The following GSC2 variants were observed in gnomAD, a reference collection of about 807,000 sequenced individuals.
GSC2 encodes the protein goosecoid homeobox 2.
A neutral mutation model predicts 11.3 loss-of-function variants in GSC2; 12 were observed. The ratio of observed to expected loss-of-function variants is 1.06; its 90% confidence interval spans 0.68 to 1.72. The LOEUF (loss-of-function observed/expected upper bound fraction) is 1.72. Among genes scored for constraint, GSC2 ranks in the 40% most tolerant of loss-of-function variants. The probability of loss-of-function intolerance (pLI) is 0.00; values close to 1 mark genes in which losing one functional copy is unlikely to be tolerated. For missense variants in GSC2, 310 were observed against 235.7 expected (o/e 1.32, Z -2.06); for synonymous variants, 148 against 110.0 (o/e 1.35, Z -2.16).
chr22:19,149,332 G>A (rs1057447974), intron 2 of GSC2, among the ~76,000 whole-genome samples: 3 of 152,240 alleles, frequency 2.0e-5, no homozygotes, highest in African/African-American at 7.2e-5. Context: ...TCCAGCTGGC[G>A]GCGACCAGGA....
In GSC2 at chr22:19,150,033, G is replaced by C; in HGVS notation, c.251C>G (p.Ala84Gly). The C allele has an allele frequency of 2.0e-6, 2 of 1,020,484 alleles. No homozygotes were observed. The highest frequency in any genetic ancestry group is 1.7e-5 in the African/African-American group (1 of 57,652). 63.2% of individuals were successfully genotyped at this position (1,020,484 alleles called of 1,614,324 possible). ...AAPCGPPEAA[A>G]GLGARLAWPL... is the part of the protein sequence containing the mutation. Reference sequence around the variant, plus strand: ...GCTCCGCGCCCACTCACCCAGCCCGGCGGCCGCCTCTGGGGGCCCGCAGGG... The same window carrying C: ...GCTCCGCGCCCACTCACCCAGCCCGCCGGCCGCCTCTGGGGGCCCGCAGGG... The change falls in exon 1 of 3, where the codon GCC becomes GGC. Residue 84 changes from alanine to glycine, a missense_variant. Ala to Gly is a moderately conservative substitution (Grantham distance 60). Coordinates refer to ENST00000086933, the MANE Select transcript of GSC2 (RefSeq NM_005315.2).
At position 19,147,265 on chromosome 22, in the gene GSC2, G is replaced by C. The variant is rs782557814; in HGVS notation, c.*1726C>G. ...TGAGATGTAAATGTGGCAGAAAGAT[G>C]GGAATTGGAGTCTGAGGGTAAAAGA... On this transcript the variant is annotated 3_prime_UTR_variant, in exon 3 of 3. Coordinates refer to ENST00000086933, the MANE Select transcript of GSC2 (RefSeq NM_005315.2). Among the ~76,000 whole-genome samples, 1 of 152,136 alleles carries C rather than the reference G, an allele frequency of 6.6e-6. No homozygotes were observed. The highest frequency in any genetic ancestry group is 1.5e-5 in the Non-Finnish European group (1 of 68,030).
chr22:19,149,743 A>AAAGCGCCTC lies in GSC2; in HGVS notation c.424_432dup (p.Glu142_Leu144dup), dbSNP rs782146690. On this transcript the variant is annotated inframe_insertion, in exon 2 of 3. Coordinates refer to ENST00000086933, the MANE Select transcript of GSC2 (RefSeq NM_005315.2). ...ACGTCAGGATACTGGTTCTGCACGA[A>AAAGCGCCTC]AAGCGCCTCGAGCGCCTGCAGCTGC... 1.3e-6 allele frequency: 2 copies of AAAGCGCCTC among 1,596,024 alleles called. No homozygotes were observed. Among genetic ancestry groups the AAAGCGCCTC allele is most frequent in the Admixed American group, 1.7e-5 (1 of 58,668 alleles).
In GSC2 at chr22:19,149,858, C is replaced by G; in HGVS notation, c.318G>C (p.Ala106=). 1.3e-6 allele frequency: 2 copies of G among 1,501,110 alleles called. No homozygotes were observed. Among genetic ancestry groups the G allele is most frequent in the Non-Finnish European group, 1.8e-6 (2 of 1,129,342 alleles). The allele number at this position is 1,501,110 out of a possible 1,614,324, so 93.0% of individuals were successfully genotyped here. The change falls in exon 2 of 3, where the codon GCG becomes GCC. Residue 106 remains alanine, a synonymous_variant. Transcript: ENST00000086933. ...GGAGCGCCCCGGAACCTCCGGCTGGCGCACCCAGAGACAAGGGCACCGCCG... is the reference window on the plus strand; with the variant it reads ...GGAGCGCCCCGGAACCTCCGGCTGGGGCACCCAGAGACAAGGGCACCGCCG... ...LGPAVPLSLG[A]PAGGSGALPG...
In GSC2 at chr22:19,148,817, G is replaced by A. The variant is rs182828430; in HGVS notation, c.*174C>T. The A allele has an allele frequency of 5.5e-6, 3 of 544,636 alleles. No individual in the cohort carries two copies. Among genetic ancestry groups the A allele is most frequent in the East Asian group, 3.3e-5 (1 of 30,586 alleles). 33.7% of individuals were successfully genotyped at this position (544,636 alleles called of 1,614,324 possible). On this transcript the variant is annotated 3_prime_UTR_variant, in exon 3 of 3. Coordinates refer to ENST00000086933, the MANE Select transcript of GSC2 (RefSeq NM_005315.2). The stretch of plus-strand genomic sequence containing the variant: ...CTGCCGTGGAACACCAAGCACCGGG[G>A]GCCCGTCCCCAGCGCCACGGCAGCA...
rs781955300 is a variant in GSC2, at chr22:19,148,991, TC to T, written c.617del (p.Ter206TyrfsTer80). The T allele has an allele frequency of 9.5e-6, 15 of 1,573,144 alleles. No homozygotes were observed. The African/African-American group carries it at 1.9e-4, about 20-fold the overall frequency. ...GVKKSPKGSC[*>X] ...AGCCCAGGGGCAGCTCCTAGAGTCA[TC>T]AGCAGCTCCCCTTCGGGGACTTCTT... On this transcript the variant is annotated frameshift_variant and stop_lost, in exon 3 of 3. Coordinates refer to ENST00000086933, the MANE Select transcript of GSC2 (RefSeq NM_005315.2). LOFTEE classifies it high-confidence loss of function.
rs567334082 is a variant in GSC2, at chr22:19,148,038, A to G, written c.*953T>C. Among the ~76,000 whole-genome samples the G allele has an allele frequency of 2.4e-3, 371 of 152,144 alleles. No individual in the cohort carries two copies. The highest frequency in any genetic ancestry group is 2.9e-3 in the Non-Finnish European group (194 of 67,964). On this transcript the variant is annotated 3_prime_UTR_variant, in exon 3 of 3. Transcript: ENST00000086933. ...GCAGGGGCGGGGTCTCCCCAGTCCA[A>G]CCTCCTCTTGCCCTACCCTAGGATG... is the stretch of plus-strand genomic sequence containing the variant.
Position 19,148,055 on chromosome 22 carries a change from C to A in GSC2, c.*936G>T, listed in dbSNP as rs1189212219. On this transcript the variant is annotated 3_prime_UTR_variant, in exon 3 of 3. Coordinates refer to ENST00000086933, the MANE Select transcript of GSC2 (RefSeq NM_005315.2). ...CCAGTCCAACCTCCTCTTGCCCTAC[C>A]CTAGGATGGCACAGATTGCTGTGAG... 6.6e-6 allele frequency among the ~76,000 whole-genome samples: 1 copy of A among 152,140 alleles called. No individual in the cohort carries two copies. Among genetic ancestry groups the A allele is most frequent in the African/African-American group, 2.4e-5 (1 of 41,422 alleles).
In GSC2 at chr22:19,149,816, C is replaced by T. The variant is rs782098141; in HGVS notation, c.360G>A (p.Pro120=). 4 of 1,568,272 alleles carry T rather than the reference C, an allele frequency of 2.6e-6. No individual in the cohort carries two copies. The highest frequency in any genetic ancestry group is 1.4e-5 in the African/African-American group (1 of 70,956). Residue 120 remains proline, a synonymous_variant, in exon 2 of 3, where the codon CCG becomes CCA. Coordinates refer to ENST00000086933, the MANE Select transcript of GSC2 (RefSeq NM_005315.2). ...GSGALPGAVG[P]GSQRRTRRHR... The stretch of plus-strand genomic sequence containing the variant: ...GGCGCCTCGTGCGCCGCTGCGAACC[C>T]GGGCCGACCGCGCCCGGGAGCGCCC...
rs2083801434 is a variant in GSC2 at position 19,147,924 on chromosome 22, G to A, written c.*1067C>T. On this transcript the variant is annotated 3_prime_UTR_variant, in exon 3 of 3. Coordinates refer to ENST00000086933, the MANE Select transcript of GSC2 (RefSeq NM_005315.2). ...TGAGATGCTTTGGACCCACTGTAGG[G>A]CCTACTTGGGGAATCTAAGGCTTCT... Among the ~76,000 whole-genome samples, 1 of 152,120 alleles carries A rather than the reference G, an allele frequency of 6.6e-6. No individual in the cohort carries two copies. The highest frequency in any genetic ancestry group is 1.5e-5 in the Non-Finnish European group (1 of 68,010).
In GSC2 at chr22:19,147,434, ACT is replaced by A. The variant is rs2083798513; in HGVS notation, c.*1555_*1556del. Reference sequence around the variant, plus strand: ...GCAAATTCAGGAGAGCAACACAGCCACTGAGCCCTGGAAGGTGGCGCTCCACA... The same window carrying A: ...GCAAATTCAGGAGAGCAACACAGCCAGAGCCCTGGAAGGTGGCGCTCCACA... On this transcript the variant is annotated 3_prime_UTR_variant, in exon 3 of 3. Coordinates refer to ENST00000086933, the MANE Select transcript of GSC2 (RefSeq NM_005315.2). Among the ~76,000 whole-genome samples, 1 of 152,174 alleles carries A rather than the reference ACT, an allele frequency of 6.6e-6. No homozygotes were observed. The highest frequency in any genetic ancestry group is 6.5e-5 in the Admixed American group (1 of 15,278).
Position 19,149,645 on chromosome 22 carries a change from G to T in GSC2, c.513+18C>A. On this transcript the variant is annotated intron_variant, in intron 2 of 2. Coordinates refer to ENST00000086933, the MANE Select transcript of GSC2 (RefSeq NM_005315.2). Reference sequence around the variant, plus strand: ...CGCGGCCCGCGCGCTCCGGGGAAAGGCTGGGCGGGGCACTCACCTCCACGC... The same window carrying T: ...CGCGGCCCGCGCGCTCCGGGGAAAGTCTGGGCGGGGCACTCACCTCCACGC... The T allele has an allele frequency of 3.3e-6, 5 of 1,518,568 alleles. No individual in the cohort carries two copies. The highest frequency in any genetic ancestry group is 4.4e-6 in the Non-Finnish European group (5 of 1,138,698). The allele number at this position is 1,518,568 out of a possible 1,614,324, so 94.1% of individuals were successfully genotyped here. A position where few individuals can be genotyped will look rare whatever the true frequency, so the allele number is the denominator to read the frequency against.
In GSC2 at chr22:19,149,025, G is replaced by C. The variant is rs113172815; in HGVS notation, c.584C>G (p.Pro195Arg). The change falls in exon 3 of 3, where the codon CCC (proline) becomes CGC (arginine). Residue 195 changes from proline to arginine, a missense_variant. By Grantham distance (103) the Pro-to-Arg change is moderately radical (BLOSUM62 -2). Coordinates refer to ENST00000086933, the MANE Select transcript of GSC2 (RefSeq NM_005315.2). ...KRASASARLL[P>R]GVKKSPKGSC ...CCCCTTCGGGGACTTCTTGACGCCG[G>C]GCAGGAGCCTCGCGGAAGCCGACGC... 6.2e-7 allele frequency: 1 copy of C among 1,601,832 alleles called. No homozygotes were observed. Among genetic ancestry groups the C allele is most frequent in the Non-Finnish European group, 8.5e-7 (1 of 1,174,370 alleles).
At chr22:19,149,386 T>A (rs1444903907) in intron 2 of GSC2, among the ~76,000 whole-genome samples, 1 of 152,244 alleles carries the variant, frequency 6.6e-6, no homozygotes, top group Non-Finnish European at 1.5e-5. Flanking sequence ...TCCCAAATTC[T>A]GGACGTGAAC....
In GSC2 at chr22:19,149,744, AAGCGCCTCG is replaced by A; in HGVS notation, c.423_431del (p.Glu142_Leu144del). On this transcript the variant is annotated inframe_deletion, in exon 2 of 3. Coordinates refer to ENST00000086933, the MANE Select transcript of GSC2 (RefSeq NM_005315.2). ...CGTCAGGATACTGGTTCTGCACGAA[AAGCGCCTCG>A]AGCGCCTGCAGCTGCTCTTCGCTGA... 6.3e-7 allele frequency: 1 copy of A among 1,595,546 alleles called. No homozygotes were observed. Among genetic ancestry groups the A allele is most frequent in the Non-Finnish European group, 8.5e-7 (1 of 1,172,816 alleles).
In GSC2 at chr22:19,147,888, G is replaced by T. The variant is rs563855354; in HGVS notation, c.*1103C>A. 2.0e-5 allele frequency among the ~76,000 whole-genome samples: 3 copies of T among 152,244 alleles called. No homozygotes were observed. The highest frequency in any genetic ancestry group is 4.1e-4 in the South Asian group (2 of 4,824). Reference sequence around the variant, plus strand: ...AGAACGAGGTGCTCAAGCCAGCTGGGGGTGGGGATGTGAGATGCTTTGGAC... The same window carrying T: ...AGAACGAGGTGCTCAAGCCAGCTGGTGGTGGGGATGTGAGATGCTTTGGAC... On this transcript the variant is annotated 3_prime_UTR_variant, in exon 3 of 3. Transcript: ENST00000086933.
chr22:19,148,616 G>A lies in GSC2; in HGVS notation c.*375C>T, dbSNP rs563219140. 2.8e-4 allele frequency: 54 copies of A among 195,866 alleles called. 1 individual carries two copies. Among genetic ancestry groups the A allele is most frequent in the African/African-American group, 1.2e-3 (51 of 42,994 alleles). 12.1% of individuals were successfully genotyped at this position (195,866 alleles called of 1,614,324 possible). A position where few individuals can be genotyped will look rare whatever the true frequency, so the allele number is the denominator to read the frequency against. ...GTTAGGTCAATGTCCACATTGAGAAGAGGGTGGCCAGCATGTCCCAGGGTG... is the reference window on the plus strand; with the variant it reads ...GTTAGGTCAATGTCCACATTGAGAAAAGGGTGGCCAGCATGTCCCAGGGTG... On this transcript the variant is annotated 3_prime_UTR_variant, in exon 3 of 3. Transcript: ENST00000086933.
At position 19,150,236 on chromosome 22, in the gene GSC2, C is replaced by G. The variant is rs1390164329; in HGVS notation, c.48G>C (p.Arg16=). 5.4e-5 allele frequency: 15 copies of G among 279,078 alleles called. No homozygotes were observed. The Admixed American group carries it at 6.6e-4, about 12-fold the overall frequency. 17.3% of individuals were successfully genotyped at this position (279,078 alleles called of 1,614,324 possible). ...GGAASRRGAG[R]PCPFSIEHIL... Reference sequence around the variant, plus strand: ...TGTGCTCGATGGAGAAGGGGCAGGGCCGCCCGGCACCCCGGCGGCTCGCCG... The same window carrying G: ...TGTGCTCGATGGAGAAGGGGCAGGGGCGCCCGGCACCCCGGCGGCTCGCCG... The change falls in exon 1 of 3, where the codon CGG becomes CGC. Residue 16 remains arginine, a synonymous_variant. Transcript: ENST00000086933.
rs2146120151 is a variant in GSC2 at position 19,148,837 on chromosome 22, G to A, written c.*154C>T. ...CCGGGGGCCCGTCCCCAGCGCCACG[G>A]CAGCACGAGCTGCAGGAGGCAAGGG... On this transcript the variant is annotated 3_prime_UTR_variant, in exon 3 of 3. Transcript: ENST00000086933. 3.6e-6 allele frequency: 2 copies of A among 551,880 alleles called. No homozygotes were observed. Among genetic ancestry groups the A allele is most frequent in the South Asian group, 4.8e-5 (2 of 41,852 alleles). 34.2% of individuals were successfully genotyped at this position (551,880 alleles called of 1,614,324 possible). A position where few individuals can be genotyped will look rare whatever the true frequency, so the allele number is the denominator to read the frequency against.
Sources: gnomAD v4.1 joint callset for allele counts (sites outside exome capture counted in the v4.1 genomes callset) on GRCh38, gnomAD v4.1.1 for gene constraint, MANE v1.5 for transcripts, NCBI Gene and HGNC (gene_info 2026-07-23, HGNC 2026-07-21) for gene names.